Variants in PUS7 observed in about 807,000 individuals in gnomAD.
PUS7 encodes the protein pseudouridine synthase 7, also known as pseudouridylate synthase 7 homolog.
In PUS7, 48 loss-of-function variants were observed where a neutral mutation model predicts 79.8. The ratio of observed to expected loss-of-function variants is 0.60; its 90% CI spans 0.48 to 0.76. The LOEUF is 0.76. Ranked by LOEUF, PUS7 falls within the 30% of genes least tolerant of loss-of-function variation. PUS7 has a pLI of 0.00. For missense variants in PUS7, 729 were observed against 797.6 expected (o/e 0.91, Z 1.04); for synonymous variants, 286 against 272.2 (o/e 1.05, Z -0.50).
At chr7:105,515,399 C>T (rs968722495) in intron 1 of PUS7, among the ~76,000 whole-genome samples, 3 of 152,152 alleles carry the variant, frequency 2.0e-5, no homozygotes, top group African/African-American at 2.4e-5. Context: ...GGGACATCCT[C>T]AAACTTTGCA....
At chr7:105,506,577 C>G (rs1343632140) in intron 2 of PUS7, among the ~76,000 whole-genome samples, 1 of 151,728 alleles carries the variant, frequency 6.6e-6, no homozygotes, top group Non-Finnish European at 1.5e-5. Flanking sequence ...CACGTGCCAC[C>G]ACGCCCAGCT....
intron 1 of PUS7, among the ~76,000 whole-genome samples, chr7:105,516,915 G>C (rs1825917877): frequency 6.6e-6 from 1 of 152,028 alleles, no homozygotes; most frequent in Admixed American, 6.6e-5. Flanking sequence ...GAAAGCCCAA[G>C]CATTCTATCT....
chr7:105,494,594 G>A (rs1338414171), intron 6 of PUS7, among the ~76,000 whole-genome samples: 1 of 151,906 alleles, frequency 6.6e-6, no homozygotes, highest in Non-Finnish European at 1.5e-5. Flanking sequence ...ATTTTTAGTA[G>A]AGATTGGGTT....
Position 105,476,123 on chromosome 7 carries a change from CAAAAAAAA to C in PUS7, c.1176-3938_1176-3931del, listed in dbSNP as rs958626613. ...TGGGCGACAGAGCAAGACTCCGTCTCAAAAAAAAAAAAAAAAAAAAAAAAAATTCCTCC... is the reference window on the plus strand; with the variant it reads ...TGGGCGACAGAGCAAGACTCCGTCTCAAAAAAAAAAAAAAAAAATTCCTCC... On this transcript the variant is annotated intron_variant, in intron 9 of 15. Transcript: ENST00000469408. 8.6e-3 allele frequency among the ~76,000 whole-genome samples: 337 copies of C among 39,176 alleles called. 2 individuals are homozygous for C. The highest frequency in any genetic ancestry group is 0.02 in the African/African-American group (324 of 15,920). 25.7% of individuals were successfully genotyped at this position (39,176 alleles called of 152,430 possible).
chr7:105,490,802 G>T (rs1250385869), intron 7 of PUS7, among the ~76,000 whole-genome samples: 5 of 152,192 alleles, frequency 3.3e-5, no homozygotes, highest in African/African-American at 7.2e-5. Context: ...ATCTAGACCA[G>T]TGGTTCCCAA....
intron 14 of PUS7, among the ~76,000 whole-genome samples, chr7:105,460,040 ACC>A: frequency 6.6e-6 from 1 of 151,698 alleles, no homozygotes; most frequent in Non-Finnish European, 1.5e-5. Context: ...CCGGGTTCAC[ACC>A]ATTCTCCTGC....
rs558447340 is a variant in PUS7, at chr7:105,502,229, C to CCCCCTG, written c.730+190_730+191insCAGGGG. ...CACATAAAAGACCTAATGCCCCTTGCCAGGCAGGCTGCAGGACTGCGCTGG... is the reference window on the plus strand; with the variant it reads ...CACATAAAAGACCTAATGCCCCTTGCCCCCTGCAGGCAGGCTGCAGGACTGCGCTGG... On this transcript the variant is annotated intron_variant, in intron 5 of 15. Transcript: ENST00000469408. Among the ~76,000 whole-genome samples the CCCCCTG allele has an allele frequency of 2.9e-4, 44 of 152,248 alleles. No homozygotes were observed. The East Asian group carries it at 7.5e-3, about 26-fold the overall frequency.
intron 5 of PUS7, 44 bp downstream of exon 5, chr7:105,502,376 G>C: frequency 1.9e-6 from 3 of 1,611,242 alleles, no homozygotes; most frequent in Middle Eastern, 1.7e-4. Flanking sequence ...GGGGCCTGCC[G>C]CTCACGGCTG....
chr7:105,486,591 G>C (rs535393217), intron 7 of PUS7, among the ~76,000 whole-genome samples: 1 of 152,114 alleles, frequency 6.6e-6, no homozygotes, highest in African/African-American at 2.4e-5. Flanking sequence ...AGTGAGGAAC[G>C]GGGGACAAAA....
At chr7:105,495,300 T>A (rs375689050) in intron 5 of PUS7, 47 bp from the exon 6 acceptor site, 3 of 1,102,902 alleles carry the variant, frequency 2.7e-6, no homozygotes, top group Non-Finnish European at 4.1e-6. Flanking sequence ...ATAAAAGTTA[T>A]AGATGTAAGA....
At chr7:105,508,049 G>A (rs1825542158) in intron 2 of PUS7, 66 bp downstream of exon 2, 4 of 1,485,044 alleles carry the variant, frequency 2.7e-6, no homozygotes, top group Non-Finnish European at 3.6e-6. Flanking sequence ...AGAATATAAA[G>A]CTAATTTCTT....
At position 105,467,034 on chromosome 7, in the gene PUS7, G is replaced by GTTT. The variant is rs56177512; in HGVS notation, c.1525+1300_1525+1302dup. On this transcript the variant is annotated intron_variant, in intron 12 of 15. Transcript: ENST00000469408. ...AGAACTCTGAATCCCAGTTTTTTCT[G>GTTT]TTTTTTTTTTTTTTTTTTTTTTTTT... 5.1e-3 allele frequency among the ~76,000 whole-genome samples: 360 copies of GTTT among 70,678 alleles called. 24 individuals are homozygous for GTTT. In the East Asian group the frequency reaches 0.088, roughly 17 times the overall value. 46.4% of individuals were successfully genotyped at this position (70,678 alleles called of 152,430 possible).
At chr7:105,512,346 C>T (rs73190149) in intron 1 of PUS7, among the ~76,000 whole-genome samples, 20,854 of 152,024 alleles carry the variant, frequency 0.14, 1,859 homozygotes, top group South Asian at 0.26. Context: ...GAAATGCTGA[C>T]ACGATTTCAC....
chr7:105,507,220 A>C (rs1825504907), intron 2 of PUS7, among the ~76,000 whole-genome samples: 2 of 151,852 alleles, frequency 1.3e-5, no homozygotes, highest in African/African-American at 4.8e-5. Flanking sequence ...TAATTTTTGT[A>C]TTATTAGTAG....
intron 12 of PUS7, among the ~76,000 whole-genome samples, chr7:105,467,265 C>T (rs1823688515): frequency 6.7e-6 from 1 of 149,296 alleles, no homozygotes; most frequent in Non-Finnish European, 1.5e-5. Flanking sequence ...TACTAAATGC[C>T]CATTCTATTT....
intron 15 of PUS7, among the ~76,000 whole-genome samples, chr7:105,458,797 G>A (rs918866497): frequency 2.0e-4 from 31 of 151,852 alleles, no homozygotes; most frequent in Admixed American, 7.2e-4. Context: ...TCCTGACCTC[G>A]TGATCCGCCC....
At chr7:105,458,958 A>G (rs1823303944) in intron 15 of PUS7, among the ~76,000 whole-genome samples, 1 of 152,146 alleles carries the variant, frequency 6.6e-6, no homozygotes, top group Non-Finnish European at 1.5e-5. Flanking sequence ...TAATATCACA[A>G]CCATCTATAA....
At chr7:105,508,910 G>A (rs565182042) in intron 1 of PUS7, among the ~76,000 whole-genome samples, 3 of 133,392 alleles carry the variant, frequency 2.2e-5, no homozygotes, top group Non-Finnish European at 5.0e-5. Context: ...GTCAGGCACG[G>A]TGGCTCACAC....
At chr7:105,469,219 A>G (rs1823778422) in intron 11 of PUS7, among the ~76,000 whole-genome samples, 1 of 151,626 alleles carries the variant, frequency 6.6e-6, no homozygotes, top group Non-Finnish European at 1.5e-5. Flanking sequence ...CTTCTACTTT[A>G]ATCTCTCATT....
Sources: gnomAD v4.1 joint callset for allele counts (sites outside exome capture counted in the v4.1 genomes callset) on GRCh38, gnomAD v4.1.1 for gene constraint, MANE v1.5 for transcripts, NCBI Gene and HGNC (gene_info 2026-07-23, HGNC 2026-07-21) for gene names.